ESR1: variants seen among roughly 807,000 people sequenced by gnomAD.
ESR1 encodes estrogen receptor.
In ESR1, 12 loss-of-function variants were observed where a neutral mutation model predicts 52.7. The ratio of observed to expected loss-of-function variants is 0.23; its 90% CI spans 0.15 to 0.37. The LOEUF (loss-of-function observed/expected upper bound fraction) is 0.37, where lower values mean the gene tolerates loss of function less well. ESR1 is among the 10% of genes least tolerant of loss of function. ESR1 has a pLI of 1.00. For synonymous variants in ESR1, 305 were observed against 316.8 expected, an observed-to-expected ratio of 0.96 and a Z score of 0.39; for missense variants, 584 against 779.7, an observed-to-expected ratio of 0.75 and a Z score of 2.99.
rs189814199 is a variant in ESR1 at position 152,026,271 on chromosome 6, G to T, written c.1235+14477G>T. 7.6e-4 allele frequency among the ~76,000 whole-genome samples: 116 copies of T among 152,062 alleles called. 1 individual carries two copies. Among genetic ancestry groups the T allele is most frequent in the African/African-American group, 2.7e-3 (112 of 41,532 alleles). ...GAAAACTAATGATCCATTATCTGCT[G>T]CATAAGTATTTATGTTTGCTTTCTC... On this transcript the variant is annotated intron_variant, in intron 5 of 7. Transcript: ENST00000206249.
chr6:151,997,361 A>G (rs2041583941), intron 4 of ESR1, among the ~76,000 whole-genome samples: 1 of 152,206 alleles, frequency 6.6e-6, no homozygotes. Flanking sequence ...ACATTAGGTC[A>G]CTATAAACCC....
chr6:152,044,435 G>A (rs1034299979), intron 5 of ESR1, among the ~76,000 whole-genome samples: 1 of 152,304 alleles, frequency 6.6e-6, no homozygotes, highest in African/African-American at 2.4e-5. Context: ...CAGGTGAGAT[G>A]TATATATAAA....
intron 4 of ESR1, among the ~76,000 whole-genome samples, chr6:151,969,499 C>T (rs1232304363): frequency 6.6e-6 from 1 of 152,106 alleles, no homozygotes; most frequent in South Asian, 2.1e-4. Flanking sequence ...GGGCATTTTC[C>T]CATGTCTCCC....
chr6:151,729,761 C>T (rs967236219), intron 2 of ESR1, among the ~76,000 whole-genome samples: 7 of 152,044 alleles, frequency 4.6e-5, no homozygotes, highest in African/African-American at 1.7e-4. Flanking sequence ...AGCAACAAAG[C>T]TGAAAGTGGC....
At chr6:151,675,328 A>G (rs568160266) in intron 1 of ESR1, among the ~76,000 whole-genome samples, 8 of 152,154 alleles carry the variant, frequency 5.3e-5, no homozygotes, top group Admixed American at 3.9e-4. Flanking sequence ...GTCAGGTCCA[A>G]ACTTATGTTC....
At chr6:151,785,779 A>G (rs561881946) in intron 2 of ESR1, among the ~76,000 whole-genome samples, 1 of 152,286 alleles carries the variant, frequency 6.6e-6, no homozygotes, top group South Asian at 2.1e-4. Flanking sequence ...TGGGTAAGCA[A>G]TCCTGGACTG....
intron 2 of ESR1, among the ~76,000 whole-genome samples, chr6:151,747,527 T>C (rs369949813): frequency 4.6e-5 from 7 of 152,016 alleles, no homozygotes; most frequent in African/African-American, 1.7e-4. Context: ...GGTGCAACCA[T>C]GTATGTGATA....
At chr6:151,905,813 C>G (rs9340877) in intron 3 of ESR1, among the ~76,000 whole-genome samples, 1,635 of 152,232 alleles carry the variant, frequency 0.011, 35 homozygotes, top group African/African-American at 0.037. Flanking sequence ...GCGAAAAATA[C>G]TATTTCAACA....
chr6:151,951,593 A>C (rs2036330163), intron 4 of ESR1, among the ~76,000 whole-genome samples: 1 of 152,226 alleles, frequency 6.6e-6, no homozygotes, highest in Non-Finnish European at 1.5e-5. Context: ...AAATAAGACC[A>C]GTACTGATAA....
At chr6:151,750,852 A>G (rs1783849411) in intron 2 of ESR1, among the ~76,000 whole-genome samples, 1 of 152,210 alleles carries the variant, frequency 6.6e-6, no homozygotes, top group African/African-American at 2.4e-5. Flanking sequence ...TCAGAGTTCA[A>G]ACTGTTTATC....
At chr6:152,086,241 G>A (rs559287746) in intron 6 of ESR1, among the ~76,000 whole-genome samples, 1 of 152,012 alleles carries the variant, frequency 6.6e-6, no homozygotes, top group East Asian at 1.9e-4. Context: ...AACCCTGATT[G>A]TTTTAAAATA....
chr6:151,716,542 A>C (rs1196279316), intron 2 of ESR1, among the ~76,000 whole-genome samples: 1 of 152,188 alleles, frequency 6.6e-6, no homozygotes. Flanking sequence ...GAGAGCAGGA[A>C]TCTAGAGAGA....
intron 5 of ESR1, among the ~76,000 whole-genome samples, chr6:152,032,608 G>A (rs1245882241): frequency 6.6e-6 from 1 of 152,136 alleles, no homozygotes; most frequent in African/African-American, 2.4e-5. Context: ...TCTTCAAGGA[G>A]AACTACAAAC....
chr6:152,124,077 G>A (rs1410306154), intron 6 of ESR1, among the ~76,000 whole-genome samples: 2 of 152,162 alleles, frequency 1.3e-5, no homozygotes, highest in South Asian at 2.1e-4. Flanking sequence ...TAATCCCAGC[G>A]CTTTGGGAGG....
intron 4 of ESR1, among the ~76,000 whole-genome samples, chr6:151,975,950 A>G (rs2039400592): frequency 6.6e-6 from 1 of 152,178 alleles, no homozygotes; most frequent in Admixed American, 6.5e-5. Flanking sequence ...AGGCAGTGTG[A>G]AATACCTGCA....
At chr6:151,883,123 CT>C (rs34822103) in intron 3 of ESR1, among the ~76,000 whole-genome samples, 446 of 144,306 alleles carry the variant, frequency 3.1e-3, no homozygotes, top group East Asian at 8.0e-3. Flanking sequence ...TGAGCCCTCC[CT>C]TTTTTTTTTT....
chr6:151,871,558 C>G (rs1583841287), intron 2 of ESR1, among the ~76,000 whole-genome samples: 1 of 152,096 alleles, frequency 6.6e-6, no homozygotes, highest in African/African-American at 2.4e-5. Flanking sequence ...TGCCCACCAC[C>G]ACACCCAGCT....
intron 5 of ESR1, among the ~76,000 whole-genome samples, chr6:152,021,606 CTT>C (rs961357543): frequency 5.9e-5 from 9 of 152,114 alleles, no homozygotes; most frequent in African/African-American, 2.2e-4. Context: ...TCCATCATGA[CTT>C]TATCATTAGA....
intron 5 of ESR1, among the ~76,000 whole-genome samples, chr6:152,029,877 A>G (rs1482174123): frequency 6.6e-6 from 1 of 152,240 alleles, no homozygotes; most frequent in East Asian, 1.9e-4. Flanking sequence ...AAAAATGTTA[A>G]GGGCAGCCAG....
Sources: gnomAD v4.1 joint callset for allele counts (sites outside exome capture counted in the v4.1 genomes callset) on GRCh38, gnomAD v4.1.1 for gene constraint, MANE v1.5 for transcripts, NCBI Gene and HGNC (gene_info 2026-07-23, HGNC 2026-07-21) for gene names.